The following USP15 variants were observed in gnomAD, a reference collection of about 807,000 sequenced individuals.
USP15 encodes the protein ubiquitin specific peptidase 15.
In USP15, 18 loss-of-function variants were observed where a neutral mutation model predicts 127.1. The ratio of observed to expected loss-of-function variants is 0.14; its 90% CI spans 0.10 to 0.21. The LOEUF is 0.21. USP15 is among the 10% of genes least tolerant of loss of function. The pLI is 1.00. For synonymous variants in USP15, 364 were observed against 393.7 expected, an observed-to-expected ratio of 0.92 and a Z score of 0.89; for missense variants, 805 against 1,159.9, an observed-to-expected ratio of 0.69 and a Z score of 4.44.
At chr12:62,326,239 C>T (rs936780388) in intron 6 of USP15, among the ~76,000 whole-genome samples, 2 of 151,988 alleles carry the variant, frequency 1.3e-5, no homozygotes, top group African/African-American at 4.8e-5. Flanking sequence ...GAAGCTTTTT[C>T]GTGGTTTTTA....
chr12:62,304,169 CA>C (rs1274632274), intron 3 of USP15, among the ~76,000 whole-genome samples: 1 of 152,058 alleles, frequency 6.6e-6, no homozygotes, highest in Non-Finnish European at 1.5e-5. Context: ...ATTTCATTGC[CA>C]TTACTCTTTG....
chr12:62,297,530 C>A (rs1000531833), intron 2 of USP15, among the ~76,000 whole-genome samples: 8 of 151,348 alleles, frequency 5.3e-5, no homozygotes, highest in African/African-American at 1.5e-4. Flanking sequence ...ATGTAAGATA[C>A]CAGAAGGAGG....
intron 8 of USP15, among the ~76,000 whole-genome samples, chr12:62,363,313 T>TA (rs960697313): frequency 3.3e-4 from 50 of 151,904 alleles, no homozygotes; most frequent in African/African-American, 1.1e-3. Flanking sequence ...CCAGAGTCCT[T>TA]AAAAAAAAGT....
chr12:62,268,823 G>A (rs562609099), intron 1 of USP15, among the ~76,000 whole-genome samples: 87 of 152,082 alleles, frequency 5.7e-4, no homozygotes, highest in African/African-American at 1.7e-3. Context: ...TAGTATACTC[G>A]AAAGAGTTGT....
At position 62,407,136 on chromosome 12, in the gene USP15, T is replaced by G. The variant is rs1359590008; in HGVS notation, c.*2761T>G. The G allele has an allele frequency of 2.6e-5, 4 of 152,226 alleles. No homozygotes were observed. Among genetic ancestry groups the G allele is most frequent in the African/African-American group, 9.6e-5 (4 of 41,462 alleles). 9.4% of individuals were successfully genotyped at this position (152,226 alleles called of 1,614,324 possible). On this transcript the variant is annotated 3_prime_UTR_variant, in exon 22 of 22. Coordinates refer to ENST00000280377, the MANE Select transcript of USP15 (RefSeq NM_001252078.2). ...TAATAGCCAGCATTTATTGAGCACT[T>G]ACTATGGACCAGGCACTATATTAAA...
Position 62,354,119 on chromosome 12 carries a change from T to C in USP15, c.771-1212T>C, listed in dbSNP as rs2066046199. ...TGGTTTTGTGTGTTTTCTCTGGGGG[T>C]GGTGTGTGTGTGTGTGCGTGTGTGT... On this transcript the variant is annotated intron_variant, in intron 7 of 21. Coordinates refer to ENST00000280377, the MANE Select transcript of USP15 (RefSeq NM_001252078.2). Among the ~76,000 whole-genome samples, 9 of 150,978 alleles carry C rather than the reference T, an allele frequency of 6.0e-5. No homozygotes were observed. In the South Asian group the frequency reaches 1.9e-3, roughly 32 times the overall value.
rs1050069661 is a variant in USP15 at position 62,381,417 on chromosome 12, CTTCATA to C, written c.916-70_916-65del. The stretch of plus-strand genomic sequence containing the variant: ...TTATAGCAAATCAATTTGTTTCTCT[CTTCATA>C]TTAATGTGTTTTAAGAAAAATTCAT... On this transcript the variant is annotated intron_variant, in intron 8 of 21. Transcript: ENST00000280377. 6 of 1,310,542 alleles carry C rather than the reference CTTCATA, an allele frequency of 4.6e-6. No homozygotes were observed. The African/African-American group carries it at 8.9e-5, about 20-fold the overall frequency. 81.2% of individuals were successfully genotyped at this position (1,310,542 alleles called of 1,614,324 possible). A position where few individuals can be genotyped will look rare whatever the true frequency, so the allele number is the denominator to read the frequency against.
chr12:62,397,720 G>C (rs1053958346), intron 20 of USP15, among the ~76,000 whole-genome samples: 1 of 151,450 alleles, frequency 6.6e-6, no homozygotes, highest in Admixed American at 6.6e-5. Flanking sequence ...AGTTGGGTGT[G>C]GTGGCACGTG....
rs114367893 is a variant in USP15 at position 62,376,719 on chromosome 12, T to C, written c.916-4771T>C. On this transcript the variant is annotated intron_variant, in intron 8 of 21. Transcript: ENST00000280377. ...AGTTTTTATTAAGAACAACCATGGC[T>C]GTTGCAGAAAGTTTTGTCCTGTTTA... 2.8e-3 allele frequency among the ~76,000 whole-genome samples: 428 copies of C among 152,326 alleles called. 1 individual carries two copies. The highest frequency in any genetic ancestry group is 9.4e-3 in the East Asian group (49 of 5,190).
In USP15 at chr12:62,413,658, G is replaced by A. The variant is rs1447400816; in HGVS notation, c.*9283G>A. On this transcript the variant is annotated 3_prime_UTR_variant, in exon 22 of 22. Transcript: ENST00000280377. ...TAGCCTCCATAGAATTGAAGAGAGA[G>A]GGCCTTGCTCTGCGTTAGGCTTTGG... The A allele has an allele frequency of 6.6e-6, 1 of 151,994 alleles. No homozygotes were observed. The highest frequency in any genetic ancestry group is 1.5e-5 in the Non-Finnish European group (1 of 68,016). 9.4% of individuals were successfully genotyped at this position (151,994 alleles called of 1,614,324 possible). A position where few individuals can be genotyped will look rare whatever the true frequency, so the allele number is the denominator to read the frequency against.
chr12:62,410,785 A>G lies in USP15; in HGVS notation c.*6410A>G, dbSNP rs2068019492. ...CATTTTTGAAGCTGTCGTTAAAAGT[A>G]TATATTTTTAGCAAAGGAATTAATA... On this transcript the variant is annotated 3_prime_UTR_variant, in exon 22 of 22. Coordinates refer to ENST00000280377, the MANE Select transcript of USP15 (RefSeq NM_001252078.2). The G allele has an allele frequency of 6.6e-6, 1 of 152,020 alleles. No individual in the cohort carries two copies. The highest frequency in any genetic ancestry group is 6.6e-5 in the Admixed American group (1 of 15,254). 9.4% of individuals were successfully genotyped at this position (152,020 alleles called of 1,614,324 possible).
At chr12:62,294,876 T>C (rs1240686947) in intron 2 of USP15, among the ~76,000 whole-genome samples, 1 of 152,146 alleles carries the variant, frequency 6.6e-6, no homozygotes, top group East Asian at 1.9e-4. Flanking sequence ...ACAGTGGTTC[T>C]CAAAACACTG....
Position 62,393,162 on chromosome 12 carries a change from A to G in USP15, c.2530A>G (p.Met844Val), listed in dbSNP as rs2067375847. 2.5e-6 allele frequency: 4 copies of G among 1,613,752 alleles called. No homozygotes were observed. Among genetic ancestry groups the G allele is most frequent in the Non-Finnish European group, 3.4e-6 (4 of 1,179,838 alleles). The change falls in exon 19 of 22, where the codon ATG becomes GTG. Residue 844 changes from methionine (M) to valine (V), a missense_variant. Met to Val is a conservative substitution (Grantham distance 21). Transcript: ENST00000280377. ...HLKRFSYSRYMRDKLDTLVDF... is the reference protein window; with the variant it reads ...HLKRFSYSRYVRDKLDTLVDF... ...CAAGCGATTTTCTTACAGTCGATAC[A>G]TGAGAGACAAGTTGGATACCTTAGT... is the stretch of plus-strand genomic sequence containing the variant.
At chr12:62,323,424 G>GCCCACTA (rs1327761669) in intron 5 of USP15, among the ~76,000 whole-genome samples, 2 of 152,128 alleles carry the variant, frequency 1.3e-5, no homozygotes, top group African/African-American at 4.8e-5. Flanking sequence ...TTTAGTAAAT[G>GCCCACTA]CCCACTATAT....
At chr12:62,263,127 A>T (rs1380393816) in intron 1 of USP15, among the ~76,000 whole-genome samples, 1 of 152,198 alleles carries the variant, frequency 6.6e-6, no homozygotes, top group East Asian at 1.9e-4. Context: ...ACTGGTGGTG[A>T]TATGTAATAA....
Position 62,383,908 on chromosome 12 carries a change from T to G in USP15, c.1158T>G (p.Ala386=). 1 of 1,613,024 alleles carries G rather than the reference T, an allele frequency of 6.2e-7. No homozygotes were observed. Among genetic ancestry groups the G allele is most frequent in the Non-Finnish European group, 8.5e-7 (1 of 1,179,204 alleles). Residue 386 remains alanine (A), a synonymous_variant, in exon 10 of 22, where the codon GCT becomes GCG. Transcript: ENST00000280377. ...YQQQDCQELL[A]FLLDGLHEDL... The stretch of plus-strand genomic sequence containing the variant: ...AGCAAGACTGTCAAGAACTGTTAGC[T>G]TTCCTATTAGATGGATTACATGAGG...
In USP15 at chr12:62,395,614, G is replaced by A. The variant is rs77166282; in HGVS notation, c.2571-681G>A. ...ATTCATTCGTTTTTTTTTTTAACCC[G>A]TTAACCATCCCCACCTTACATCTCC... On this transcript the variant is annotated intron_variant, in intron 19 of 21. Transcript: ENST00000280377. Among the ~76,000 whole-genome samples the A allele has an allele frequency of 4.5e-3, 681 of 150,016 alleles. 5 individuals carry two copies. The highest frequency in any genetic ancestry group is 0.016 in the African/African-American group (656 of 40,778).
intron 4 of USP15, among the ~76,000 whole-genome samples, chr12:62,319,187 G>T (rs7137068): frequency 0.33 from 49,731 of 151,998 alleles, 8,590 homozygotes; most frequent in African/African-American, 0.44. Flanking sequence ...GCAAGAGAGA[G>T]AGAGCAAAGG....
chr12:62,331,645 GC>G (rs1188241777), intron 6 of USP15, among the ~76,000 whole-genome samples: 2 of 151,998 alleles, frequency 1.3e-5, no homozygotes, highest in African/African-American at 4.8e-5. Flanking sequence ...TATTGTATTG[GC>G]CCCATTTTGA....
Sources: gnomAD v4.1 joint callset for allele counts (sites outside exome capture counted in the v4.1 genomes callset) on GRCh38, gnomAD v4.1.1 for gene constraint, MANE v1.5 for transcripts, NCBI Gene and HGNC (gene_info 2026-07-23, HGNC 2026-07-21) for gene names.